Variants in IL7 observed in about 807,000 individuals in gnomAD.
The protein encoded by IL7 is interleukin 7, also known as interleukin-7.
A neutral mutation model predicts 21.6 loss-of-function variants in IL7; 3 were observed. That is an observed-to-expected ratio of 0.14 (90% CI 0.06 to 0.36). IL7 has a LOEUF of 0.36. Among genes scored for constraint, IL7 ranks in the 10% least tolerant of loss-of-function variants. The pLI is 1.00. For synonymous variants in IL7, 62 were observed against 68.1 expected (o/e 0.91, Z 0.44); for missense variants, 175 against 200.2 (o/e 0.87, Z 0.76).
At chr8:78,703,301 T>C (rs759214820) in intron 3 of IL7, among the ~76,000 whole-genome samples, 1 of 152,152 alleles carries the variant, frequency 6.6e-6, no homozygotes, top group African/African-American at 2.4e-5. Flanking sequence ...TTTGATCCAG[T>C]GCTGAGTTCA....
rs149483642 is a variant in IL7 at position 78,781,078 on chromosome 8, G to A, written c.147+16994C>T. 3.9e-3 allele frequency among the ~76,000 whole-genome samples: 594 copies of A among 151,908 alleles called. 3 individuals carry two copies. Among genetic ancestry groups the A allele is most frequent in the Middle Eastern group, 0.014 (4 of 294 alleles). On this transcript the variant is annotated intron_variant, in intron 2 of 5. Coordinates refer to ENST00000263851, the MANE Select transcript of IL7 (RefSeq NM_000880.4). Reference sequence around the variant, plus strand: ...GATTTTTTCTGTTTTCCATTTGCTCGGTAGATTTTACTATTTTGAGCCTAT... The same window carrying A: ...GATTTTTTCTGTTTTCCATTTGCTCAGTAGATTTTACTATTTTGAGCCTAT...
intron 3 of IL7, among the ~76,000 whole-genome samples, chr8:78,697,040 T>C (rs1810443893): frequency 6.6e-6 from 1 of 152,220 alleles, no homozygotes; most frequent in Non-Finnish European, 1.5e-5. Context: ...AGAGGGAGTC[T>C]AGTTTGGAAA....
rs372923629 is a variant in IL7 at position 78,804,738 on chromosome 8, G to C, written c.10+175C>G. The stretch of plus-strand genomic sequence containing the variant: ...CCCAGGTTCAAGTGGCTATGTGCCA[G>C]GATACTCAGGCGCGGCTGTTGGCTG... On this transcript the variant is annotated intron_variant, in intron 1 of 5. Coordinates refer to ENST00000263851, the MANE Select transcript of IL7 (RefSeq NM_000880.4). Among the ~76,000 whole-genome samples the C allele has an allele frequency of 2.6e-5, 4 of 152,356 alleles. No individual in the cohort carries two copies. The East Asian group carries it at 5.8e-4, about 22-fold the overall frequency.
intron 2 of IL7, among the ~76,000 whole-genome samples, chr8:78,759,610 A>G (rs1812479037): frequency 6.6e-6 from 1 of 151,704 alleles, no homozygotes. Context: ...TTGTTTCTTT[A>G]AGTTTGAGAA....
chr8:78,721,709 C>T (rs1006510238), intron 3 of IL7, among the ~76,000 whole-genome samples: 8 of 152,026 alleles, frequency 5.3e-5, no homozygotes, highest in African/African-American at 1.7e-4. Flanking sequence ...GATGAATGCC[C>T]TTATGTACTG....
chr8:78,730,296 A>C (rs1811401953), downstream of IL7, among the ~76,000 whole-genome samples: 1 of 151,964 alleles, frequency 6.6e-6, no homozygotes, highest in South Asian at 2.1e-4. Flanking sequence ...TTTCTCAAAT[A>C]TTAACTTTAT....
At chr8:78,790,234 C>G (rs1189507511) in intron 2 of IL7, among the ~76,000 whole-genome samples, 1 of 152,102 alleles carries the variant, frequency 6.6e-6, no homozygotes, top group Non-Finnish European at 1.5e-5. Context: ...TTTCTAGCAG[C>G]CTTTATATTT....
At chr8:78,771,888 A>G (rs886726760) in intron 2 of IL7, among the ~76,000 whole-genome samples, 6 of 152,146 alleles carry the variant, frequency 3.9e-5, no homozygotes, top group Non-Finnish European at 5.9e-5. Context: ...GGGGAATACA[A>G]TCATAACATT....
At chr8:78,713,654 AC>A (rs978248714), downstream of IL7, among the ~76,000 whole-genome samples, 1 of 152,170 alleles carries the variant, frequency 6.6e-6, no homozygotes, top group African/African-American at 2.4e-5. Flanking sequence ...CCATTCATGC[AC>A]CAAAGTGATT....
At chr8:78,700,410 T>C (rs1207764642) in intron 3 of IL7, among the ~76,000 whole-genome samples, 1 of 152,194 alleles carries the variant, frequency 6.6e-6, no homozygotes, top group African/African-American at 2.4e-5. Context: ...TATTAGACTT[T>C]TGTTGGATGC....
At chr8:78,724,541 T>TTA (rs1811307427) in intron 3 of IL7, among the ~76,000 whole-genome samples, 1 of 56,248 alleles carries the variant, frequency 1.8e-5, no homozygotes, top group Non-Finnish European at 4.4e-5. Context: ...TAGGGAAAAC[T>TTA]CATAAACTCT....
intron 2 of IL7, among the ~76,000 whole-genome samples, chr8:78,763,732 C>T (rs1337921660): frequency 6.6e-6 from 1 of 152,104 alleles, no homozygotes; most frequent in African/African-American, 2.4e-5. Flanking sequence ...TTGCTGAATT[C>T]TATCAAATAG....
chr8:78,716,681 T>C (rs565377558), downstream of IL7, among the ~76,000 whole-genome samples: 2 of 152,212 alleles, frequency 1.3e-5, no homozygotes, highest in South Asian at 4.1e-4. Flanking sequence ...CCCAGTGTAG[T>C]AAATTCCTAG....
chr8:78,746,822 A>G (rs1023535737), intron 2 of IL7: 23 of 345,926 alleles, frequency 6.6e-5, no homozygotes, highest in African/African-American at 4.7e-4. Context: ...TGCTTTTTAG[A>G]TCAACTAATT....
At chr8:78,790,710 A>G (rs1813659902) in intron 2 of IL7, among the ~76,000 whole-genome samples, 1 of 152,094 alleles carries the variant, frequency 6.6e-6, no homozygotes, top group African/African-American at 2.4e-5. Flanking sequence ...CATTTGCAAT[A>G]GCATTAAAGA....
intron 4 of IL7, among the ~76,000 whole-genome samples, chr8:78,680,091 A>G (rs772442493): frequency 6.6e-6 from 1 of 152,122 alleles, no homozygotes; most frequent in Non-Finnish European, 1.5e-5. Flanking sequence ...TCACTGTAAC[A>G]TGGTGATAGT....
rs1038522417 is a variant in IL7, at chr8:78,761,468, A to G, written c.148-21386T>C. ...CTGGCCACGACAATACTCCATATTT[A>G]ATCCCCACTTCTCAGTTATCATAGT... On this transcript the variant is annotated intron_variant, in intron 2 of 5. Transcript: ENST00000263851. 6.2e-6 allele frequency: 10 copies of G among 1,610,660 alleles called. No individual in the cohort carries two copies. The African/African-American group carries it at 9.4e-5, about 15-fold the overall frequency.
chr8:78,732,452 A>G (rs1366934042), downstream of IL7, among the ~76,000 whole-genome samples: 1 of 152,104 alleles, frequency 6.6e-6, no homozygotes, highest in Non-Finnish European at 1.5e-5. Context: ...TCAGCACATA[A>G]CTAGATGGTG....
chr8:78,781,611 T>A (rs1461032970), intron 2 of IL7, among the ~76,000 whole-genome samples: 1 of 152,184 alleles, frequency 6.6e-6, no homozygotes, highest in Non-Finnish European at 1.5e-5. Flanking sequence ...GGCTTTCCCT[T>A]GTAGGTGACC....
Sources: allele counts gnomAD v4.1 joint callset (sites outside exome capture counted in the v4.1 genomes callset), GRCh38; gene constraint gnomAD v4.1.1; transcripts MANE v1.5; gene names NCBI Gene and HGNC (gene_info 2026-07-23, HGNC 2026-07-21).